WDTC1: variants seen among roughly 807,000 people sequenced by gnomAD.
WDTC1 encodes the protein WD and tetratricopeptide repeats protein 1.
A neutral mutation model predicts 76.0 loss-of-function variants in WDTC1; 12 were observed. The observed-to-expected ratio is 0.16, with a 90% CI of 0.10 to 0.26. WDTC1 has a LOEUF of 0.26. Ranked by LOEUF, WDTC1 falls within the 10% of genes least tolerant of loss-of-function variation. WDTC1 has a pLI of 1.00. For synonymous variants in WDTC1, 326 were observed against 350.8 expected (o/e 0.93, Z 0.79); for missense variants, 511 against 908.8 (o/e 0.56, Z 5.63).
chr1:27,265,696 A>G (rs1397429407), intron 3 of WDTC1, among the ~76,000 whole-genome samples: 1 of 152,114 alleles, frequency 6.6e-6, no homozygotes, highest in East Asian at 1.9e-4. Flanking sequence ...CTGTAATCCC[A>G]GCACTTAGGG....
chr1:27,277,643 T>C (rs981368446), intron 3 of WDTC1, among the ~76,000 whole-genome samples: 2 of 152,182 alleles, frequency 1.3e-5, no homozygotes, highest in African/African-American at 4.8e-5. Context: ...AATTTAAGGA[T>C]GTATTTATGA....
intron 3 of WDTC1, among the ~76,000 whole-genome samples, chr1:27,266,080 AC>A (rs748290241): frequency 1.3e-5 from 2 of 152,180 alleles, no homozygotes; most frequent in Non-Finnish European, 2.9e-5. Flanking sequence ...AATGTTAAGA[AC>A]CACTACTCTA....
intron 3 of WDTC1, among the ~76,000 whole-genome samples, chr1:27,265,361 TCTC>T (rs2012627134): frequency 2.0e-5 from 3 of 152,188 alleles, no homozygotes; most frequent in Admixed American, 2.0e-4. Flanking sequence ...ATGCCACTCT[TCTC>T]ATTAAATTCT....
intron 1 of WDTC1, among the ~76,000 whole-genome samples, chr1:27,251,033 ATTTTTTTTTTTTTTTTTTT>A (rs71584875): frequency 9.1e-4 from 26 of 28,686 alleles, no homozygotes; most frequent in South Asian, 9.0e-3. Flanking sequence ...CTCCTGGCTA[ATTTTTTTTTTTTTTTTTTT>A]TTTTTTTTTT....
chr1:27,281,602 T>C (rs1276129263), intron 3 of WDTC1, among the ~76,000 whole-genome samples: 4 of 152,144 alleles, frequency 2.6e-5, no homozygotes, highest in Non-Finnish European at 4.4e-5. Flanking sequence ...TGTTTTGTTT[T>C]GTTTGAGACA....
At chr1:27,284,163 G>A (rs1279970771) in intron 5 of WDTC1, among the ~76,000 whole-genome samples, 1 of 152,132 alleles carries the variant, frequency 6.6e-6, no homozygotes, top group African/African-American at 2.4e-5. Flanking sequence ...TTAAATGTGG[G>A]CCTGAGGAAA....
intron 1 of WDTC1, among the ~76,000 whole-genome samples, chr1:27,239,744 C>A (rs866970840): frequency 7.5e-6 from 1 of 133,842 alleles, no homozygotes; most frequent in African/African-American, 2.8e-5. Flanking sequence ...GAACCTGGGA[C>A]GCAGAGGTTG....
rs533198363 is a variant in WDTC1 at position 27,306,619 on chromosome 1, C to T, written c.*236C>T. 1.3e-4 allele frequency: 74 copies of T among 579,946 alleles called. 1 individual carries two copies. The highest frequency in any genetic ancestry group is 2.1e-4 in the Non-Finnish European group (68 of 329,138). 35.9% of individuals were successfully genotyped at this position (579,946 alleles called of 1,614,324 possible). ...CTGAAAAAAAGAGCAGGAGGGGACA[C>T]CCCTCCATATGCCCCCCCCCATCTC... On this transcript the variant is annotated 3_prime_UTR_variant, in exon 16 of 16. Coordinates refer to ENST00000319394, the MANE Select transcript of WDTC1 (RefSeq NM_001276252.2). The surrounding 1 kb of genome is among the most constrained non-coding windows in gnomAD (Gnocchi z 5.0).
intron 1 of WDTC1, among the ~76,000 whole-genome samples, chr1:27,243,088 A>G (rs2011680654): frequency 6.6e-6 from 1 of 152,018 alleles, no homozygotes; most frequent in Non-Finnish European, 1.5e-5. Flanking sequence ...AGATCAGCAG[A>G]GTCAAGGCAG....
rs373937974 is a variant in WDTC1 at position 27,305,158 on chromosome 1, G to A, written c.1801G>A (p.Asp601Asn). ...SYCFLATSGI[D>N]PVVRLWNPRP... ...CTGCTTCCTGGCCACCAGTGGCATC[G>A]ATCCTGTTGTGCGGCTCTGGAACCC... is the stretch of plus-strand genomic sequence containing the variant. Residue 601 changes from aspartate (D) to asparagine (N), a missense_variant, in exon 15 of 16, where the codon GAT becomes AAT. Asp to Asn is a conservative substitution (Grantham distance 23). Transcript: ENST00000319394. This position sits in a 1 kb window ranked among gnomAD's most constrained non-coding sequence, Gnocchi z 4.6. 1.2e-6 allele frequency: 2 copies of A among 1,614,024 alleles called. No individual in the cohort carries two copies. The highest frequency in any genetic ancestry group is 1.7e-6 in the Non-Finnish European group (2 of 1,179,978).
intron 1 of WDTC1, among the ~76,000 whole-genome samples, chr1:27,244,772 C>G (rs546229736): frequency 2.0e-4 from 30 of 152,278 alleles, no homozygotes; most frequent in African/African-American, 6.0e-4. Flanking sequence ...AGGAAACTTG[C>G]ATACATCTTT....
chr1:27,289,757 C>T (rs1413650516), intron 6 of WDTC1, among the ~76,000 whole-genome samples: 1 of 151,976 alleles, frequency 6.6e-6, no homozygotes, highest in African/African-American at 2.4e-5. Context: ...CCGAGGCTGG[C>T]GGATCACTCG....
At chr1:27,287,925 C>T in intron 6 of WDTC1, 64 bp downstream of exon 6, 1 of 1,536,500 alleles carries the variant, frequency 6.5e-7, no homozygotes. Context: ...ATAGTGTTTC[C>T]TTCTACAGAC....
At position 27,268,112 on chromosome 1, in the gene WDTC1, C is replaced by T. The variant is rs533758970; in HGVS notation, c.132+4877C>T. On this transcript the variant is annotated intron_variant, in intron 3 of 15. Transcript: ENST00000319394. ...TCAAACATAATGCTCAACAAATACT[C>T]TCTCTCAAACCCCAATGTGTTCATC... 1.9e-3 allele frequency among the ~76,000 whole-genome samples: 290 copies of T among 152,264 alleles called. 1 individual carries two copies. The highest frequency in any genetic ancestry group is 3.1e-3 in the Non-Finnish European group (210 of 68,028).
intron 1 of WDTC1, among the ~76,000 whole-genome samples, chr1:27,244,468 A>G (rs983946563): frequency 6.6e-6 from 1 of 152,064 alleles, no homozygotes; most frequent in East Asian, 1.9e-4. Context: ...CAGCCTTCCT[A>G]GTAGCTAGGA....
intron 1 of WDTC1, among the ~76,000 whole-genome samples, chr1:27,241,080 A>G (rs1411350641): frequency 1.3e-5 from 2 of 152,092 alleles, no homozygotes; most frequent in African/African-American, 2.4e-5. Flanking sequence ...GAAAATTCTC[A>G]GCTACTACTG....
At chr1:27,304,934 G>A in intron 14 of WDTC1, 67 bp from the exon 15 acceptor site, 2 of 1,465,504 alleles carry the variant, frequency 1.4e-6, no homozygotes, top group Non-Finnish European at 1.8e-6. Context: ...CCTAGGCCAT[G>A]CAGCCTCTAC....
chr1:27,256,833 A>G (rs2012295658), intron 1 of WDTC1, among the ~76,000 whole-genome samples: 1 of 152,162 alleles, frequency 6.6e-6, no homozygotes, highest in Non-Finnish European at 1.5e-5. Context: ...TGCCTGGCAC[A>G]TAGTAAGTGC....
intron 7 of WDTC1, among the ~76,000 whole-genome samples, chr1:27,293,340 G>A (rs1557504960): frequency 2.0e-5 from 3 of 150,606 alleles, no homozygotes; most frequent in Non-Finnish European, 4.4e-5. Context: ...GCTGAGGCAG[G>A]AGAATGGCGT....
Sources: allele counts gnomAD v4.1 joint callset (sites outside exome capture counted in the v4.1 genomes callset), GRCh38; gene constraint gnomAD v4.1.1; non-coding constraint Gnocchi (gnomAD v3.1); transcripts MANE v1.5; gene names NCBI Gene and HGNC (gene_info 2026-07-23, HGNC 2026-07-21).